IGF2R: variants seen among roughly 807,000 people sequenced by gnomAD.
IGF2R encodes the protein insulin like growth factor 2 receptor.
IGF2R carries 91 observed loss-of-function variants against 270.6 expected under a neutral mutation model. The ratio of observed to expected loss-of-function variants is 0.34; its 90% CI spans 0.28 to 0.40. The LOEUF is 0.40. Ranked by LOEUF, IGF2R falls within the 10% of genes least tolerant of loss-of-function variation. The pLI, the probability that IGF2R is intolerant of heterozygous loss-of-function variation, is 1.00. For missense variants in IGF2R, 2,805 were observed against 3,188.3 expected (o/e 0.88, Z 2.90); for synonymous variants, 1,316 against 1,258.9 (o/e 1.05, Z -0.96).
In IGF2R at chr6:160,062,579, C is replaced by A. The variant is rs752034595; in HGVS notation, c.3630C>A (p.Ile1210=). Residue 1210 remains isoleucine, a synonymous_variant, in exon 26 of 48, where the codon ATC becomes ATA. Transcript: ENST00000356956. ...QLQDGCEYVF[I]WRTVEACPVV... ...AGGATGGTTGTGAGTACGTGTTTAT[C>A]TGGAGAACTGTGGAAGCCTGTCCCG... 1.1e-5 allele frequency: 18 copies of A among 1,613,866 alleles called. No homozygotes were observed. The highest frequency in any genetic ancestry group is 1.5e-5 in the Non-Finnish European group (18 of 1,179,894).
chr6:160,057,038 T>C (rs142218487), intron 20 of IGF2R, among the ~76,000 whole-genome samples: 1,876 of 152,208 alleles, frequency 0.012, 37 homozygotes, highest in African/African-American at 0.042. Context: ...AATGTGATCC[T>C]GTCTATAGGG....
In IGF2R at chr6:160,033,103, C is replaced by G. The variant is rs139515354; in HGVS notation, c.1207C>G (p.Leu403Val). Residue 403 changes from leucine to valine, a missense_variant, in exon 9 of 48, where the codon CTC (leucine) becomes GTC (valine). Coordinates refer to ENST00000356956, the MANE Select transcript of IGF2R (RefSeq NM_000876.4). ...AGCAGGAAGATACCACAATCAGACC[C>G]TCCGGTACGTCAACAACCTCTGTGC... Reference protein sequence around the residue: ...KAAGRYHNQTLRYSDGDLTLI... With the variant: ...KAAGRYHNQTVRYSDGDLTLI... 16 of 1,610,048 alleles carry G rather than the reference C, an allele frequency of 9.9e-6. No individual in the cohort carries two copies. The African/African-American group carries it at 2.1e-4, about 22-fold the overall frequency.
rs1349476230 is a variant in IGF2R at position 160,047,326 on chromosome 6, C to G, written c.2219C>G (p.Pro740Arg). ...GATCGAGACGCGGGAGTGGGCTTCC[C>G]TGAATATCAGGTAGGAATGTTTGTT... The part of the protein sequence containing the change: ...LCDRDAGVGF[P>R]EYQEEDNSTY... Residue 740 changes from proline (P) to arginine (R), a missense_variant, in exon 16 of 48, where the codon CCT (proline) becomes CGT (arginine). This residue lies in a region of IGF2R where 954 missense variants were observed against 981.1 expected (regional missense o/e 0.97). Coordinates refer to ENST00000356956, the MANE Select transcript of IGF2R (RefSeq NM_000876.4). 1 of 1,592,182 alleles carries G rather than the reference C, an allele frequency of 6.3e-7. No homozygotes were observed. Among genetic ancestry groups the G allele is most frequent in the Non-Finnish European group, 8.5e-7 (1 of 1,171,166 alleles).
intron 19 of IGF2R, among the ~76,000 whole-genome samples, chr6:160,055,438 C>T (rs1467385892): frequency 6.6e-6 from 1 of 152,168 alleles, no homozygotes; most frequent in African/African-American, 2.4e-5. Context: ...AATACACTCA[C>T]TGAAGGAAGA....
chr6:159,970,323 G>T (rs1783591312), intron 1 of IGF2R, among the ~76,000 whole-genome samples: 1 of 152,070 alleles, frequency 6.6e-6, no homozygotes, highest in African/African-American at 2.4e-5. Flanking sequence ...GAAAAGTTTT[G>T]AACAGACAAC....
intron 1 of IGF2R, among the ~76,000 whole-genome samples, chr6:159,977,748 A>G (rs1478766414): frequency 1.3e-5 from 2 of 152,216 alleles, no homozygotes; most frequent in Non-Finnish European, 2.9e-5. Flanking sequence ...GGCCTTGGGC[A>G]AGTCACAGAA....
chr6:160,053,852 C>T (rs1240511044), intron 19 of IGF2R, among the ~76,000 whole-genome samples: 1 of 152,158 alleles, frequency 6.6e-6, no homozygotes, highest in Non-Finnish European at 1.5e-5. Flanking sequence ...GCTGGAACTA[C>T]AGGTGGAGTT....
chr6:160,047,922 G>T lies in IGF2R; in HGVS notation c.2345+15G>T, dbSNP rs751101715. On this transcript the variant is annotated intron_variant, in intron 17 of 47. Coordinates refer to ENST00000356956, the MANE Select transcript of IGF2R (RefSeq NM_000876.4). ...GACCTCTCCAGGTGAGGCAGAGTCAGCTGCTCTGTTTTTGGCCTGGTACAG... is the reference window on the plus strand; with the variant it reads ...GACCTCTCCAGGTGAGGCAGAGTCATCTGCTCTGTTTTTGGCCTGGTACAG... 6.5e-7 allele frequency: 1 copy of T among 1,537,536 alleles called. No homozygotes were observed.
At chr6:160,077,267 G>A (rs1255159632) in intron 36 of IGF2R, among the ~76,000 whole-genome samples, 2 of 152,152 alleles carry the variant, frequency 1.3e-5, no homozygotes, top group Non-Finnish European at 2.9e-5. Flanking sequence ...TTTTTATAGG[G>A]GTGTCTGGGT....
chr6:159,976,202 T>C (rs1783692074), intron 1 of IGF2R, among the ~76,000 whole-genome samples: 1 of 152,152 alleles, frequency 6.6e-6, no homozygotes, highest in Admixed American at 6.5e-5. Context: ...TTTATCTAGT[T>C]TATTTTTCTA....
chr6:160,005,632 G>C lies in IGF2R; in HGVS notation c.290-3378G>C, dbSNP rs1262882632. The C allele has an allele frequency of 3.9e-5, 6 of 152,236 alleles. No individual in the cohort carries two copies. The East Asian group carries it at 1.2e-3, about 29-fold the overall frequency. The allele number at this position is 152,236 out of a possible 1,614,324, so 9.4% of individuals were successfully genotyped here. A position where few individuals can be genotyped will look rare whatever the true frequency, so the allele number is the denominator to read the frequency against. On this transcript the variant is annotated intron_variant, in intron 2 of 47. Coordinates refer to ENST00000356956, the MANE Select transcript of IGF2R (RefSeq NM_000876.4). Reference sequence around the variant, plus strand: ...ACCCGTAGGGGCTCTTGACACAGAGGGGTCACCCTATGTGTGAACAGGTTA... The same window carrying C: ...ACCCGTAGGGGCTCTTGACACAGAGCGGTCACCCTATGTGTGAACAGGTTA...
rs1021190202 is a variant in IGF2R, at chr6:160,004,810, T to A, written c.290-4200T>A. On this transcript the variant is annotated intron_variant, in intron 2 of 47. Coordinates refer to ENST00000356956, the MANE Select transcript of IGF2R (RefSeq NM_000876.4). The surrounding 1 kb of genome is among the most constrained non-coding windows in gnomAD (Gnocchi z 5.2). ...AAACCAAAGTGGACCCGCCTGCCTGTGCACCAGGGAAAGCCAAACACCAAA... is the reference window on the plus strand; with the variant it reads ...AAACCAAAGTGGACCCGCCTGCCTGAGCACCAGGGAAAGCCAAACACCAAA... 52 of 152,480 alleles carry A rather than the reference T, an allele frequency of 3.4e-4. No homozygotes were observed. The highest frequency in any genetic ancestry group is 1.2e-3 in the African/African-American group (50 of 41,398). The allele number at this position is 152,480 out of a possible 1,614,324, so 9.4% of individuals were successfully genotyped here. A position where few individuals can be genotyped will look rare whatever the true frequency, so the allele number is the denominator to read the frequency against.
chr6:160,033,402 C>T (rs1354583469), intron 9 of IGF2R, among the ~76,000 whole-genome samples: 1 of 152,338 alleles, frequency 6.6e-6, no homozygotes, highest in East Asian at 1.9e-4. Flanking sequence ...TCCCAAAGTG[C>T]GTGGATTAGA....
chr6:160,101,893 T>A (rs926481968), intron 45 of IGF2R, among the ~76,000 whole-genome samples: 1 of 152,194 alleles, frequency 6.6e-6, no homozygotes, highest in African/African-American at 2.4e-5. Context: ...AATGGTGAAC[T>A]CCGCTGGTGA....
intron 4 of IGF2R, among the ~76,000 whole-genome samples, chr6:160,013,332 T>TA (rs1275544830): frequency 6.7e-6 from 1 of 148,936 alleles, no homozygotes; most frequent in Non-Finnish European, 1.5e-5. Context: ...ACAGGATTGT[T>TA]ACAAAACAAA....
Position 160,089,340 on chromosome 6 carries a change from A to G in IGF2R, c.6467+87A>G, listed in dbSNP as rs1021781753. The stretch of plus-strand genomic sequence containing the variant: ...CTCTTTCCCTATCGGGGAGCACTGC[A>G]GGATAAATAGGTCTGTGTTTTAGTT... On this transcript the variant is annotated intron_variant, in intron 43 of 47. Transcript: ENST00000356956. 7 of 1,187,600 alleles carry G rather than the reference A, an allele frequency of 5.9e-6. No individual in the cohort carries two copies. In the African/African-American group the frequency reaches 9.2e-5, roughly 16 times the overall value. The allele number at this position is 1,187,600 out of a possible 1,614,324, so 73.6% of individuals were successfully genotyped here.
At chr6:160,000,733 T>G (rs1784115205) in intron 2 of IGF2R, among the ~76,000 whole-genome samples, 1 of 137,600 alleles carries the variant, frequency 7.3e-6, no homozygotes, top group African/African-American at 2.8e-5. Flanking sequence ...AGGTTGTTTT[T>G]TTTTTTTTTT....
intron 1 of IGF2R, among the ~76,000 whole-genome samples, chr6:159,979,450 T>C (rs557463216): frequency 6.1e-4 from 93 of 152,354 alleles, no homozygotes; most frequent in Non-Finnish European, 1.3e-3. Flanking sequence ...GCGTCAGTTA[T>C]ACCAGCACTT....
intron 41 of IGF2R, among the ~76,000 whole-genome samples, chr6:160,087,357 C>CTGTTCACA (rs1448922935): frequency 1.3e-5 from 2 of 152,238 alleles, no homozygotes; most frequent in African/African-American, 4.8e-5. Flanking sequence ...CGGGGTCCCA[C>CTGTTCACA]TGTTCACATG....
Sources: allele counts gnomAD v4.1 joint callset (sites outside exome capture counted in the v4.1 genomes callset), GRCh38; gene constraint gnomAD v4.1.1; regional missense constraint gnomAD v4.1.1; non-coding constraint Gnocchi (gnomAD v3.1); transcripts MANE v1.5; gene names NCBI Gene and HGNC (gene_info 2026-07-23, HGNC 2026-07-21).